The following KLHL42 variants were observed in gnomAD, a reference collection of about 807,000 sequenced individuals.
KLHL42 encodes the protein kelch-like protein 42.
KLHL42 carries 27 observed loss-of-function variants against 32.7 expected under a neutral mutation model. The observed-to-expected ratio is 0.83, with a 90% CI of 0.61 to 1.14. The LOEUF is 1.14. KLHL42 is among the 50% of genes most tolerant of loss of function. The pLI is 0.00. For missense variants in KLHL42, 491 were observed against 560.8 expected (o/e 0.88, Z 1.26); for synonymous variants, 267 against 248.2 (o/e 1.08, Z -0.71).
chr12:27,800,462 A>G lies in KLHL42; in HGVS notation c.*2296A>G, dbSNP rs2062241800. 3 of 718,482 alleles carry G rather than the reference A, an allele frequency of 4.2e-6. No individual in the cohort carries two copies. The highest frequency in any genetic ancestry group is 5.1e-6 in the Non-Finnish European group (3 of 586,652). 44.5% of individuals were successfully genotyped at this position (718,482 alleles called of 1,614,324 possible). A position where few individuals can be genotyped will look rare whatever the true frequency, so the allele number is the denominator to read the frequency against. ...GCCAGCAGTACGTGGGAAAGGTGGA[A>G]TGTGCAATAGGAACAGATCTGTGCA... On this transcript the variant is annotated 3_prime_UTR_variant, in exon 3 of 3. Transcript: ENST00000381271.
At position 27,791,766 on chromosome 12, in the gene KLHL42, G is replaced by A. The variant is rs568040949; in HGVS notation, c.931G>A (p.Val311Ile). ...ACTCTATGCCATCGGAGGGCAGGCC[G>A]TTTCTAACGTTGAGTGTTACAACCC... ...SKLYAIGGQA[V>I]SNVECYNPEQ... is the part of the protein sequence containing the mutation. The change falls in exon 2 of 3, where the codon GTT becomes ATT. Residue 311 changes from valine (V) to isoleucine (I), a missense_variant. Val to Ile is a conservative substitution (Grantham distance 29). Around this residue, in one of 4 missense-constraint regions of KLHL42, gnomAD observed 248 missense variants for 329.2 expected, o/e 0.75. Transcript: ENST00000381271. The A allele has an allele frequency of 3.0e-5, 48 of 1,614,052 alleles. No homozygotes were observed. Among genetic ancestry groups the A allele is most frequent in the Middle Eastern group, 1.6e-4 (1 of 6,084 alleles).
chr12:27,790,216 A>G (rs1455216621), intron 1 of KLHL42, among the ~76,000 whole-genome samples: 2 of 152,220 alleles, frequency 1.3e-5, no homozygotes, highest in African/African-American at 4.8e-5. Flanking sequence ...AACACTAGAA[A>G]ACAGAAATTT....
intron 1 of KLHL42, among the ~76,000 whole-genome samples, chr12:27,790,057 T>G (rs899851600): frequency 2.6e-5 from 4 of 152,210 alleles, no homozygotes; most frequent in South Asian, 2.1e-4. Flanking sequence ...GTTTACTGCT[T>G]CTTCTTAATC....
At chr12:27,792,850 T>C (rs1040099695) in intron 2 of KLHL42, among the ~76,000 whole-genome samples, 3 of 152,162 alleles carry the variant, frequency 2.0e-5, no homozygotes, top group Admixed American at 1.3e-4. Flanking sequence ...AAAATGTATA[T>C]ATGTGTTTTT....
intron 1 of KLHL42, among the ~76,000 whole-genome samples, chr12:27,784,622 C>T (rs1565481975): frequency 6.6e-6 from 1 of 152,090 alleles, no homozygotes; most frequent in South Asian, 2.1e-4. Context: ...GAGACCTCAT[C>T]TCTATAAACA....
chr12:27,794,070 T>C (rs539470978), intron 2 of KLHL42, among the ~76,000 whole-genome samples: 1 of 152,382 alleles, frequency 6.6e-6, no homozygotes, highest in African/African-American at 2.4e-5. Context: ...TTTATTTCTT[T>C]TTAGAATAAG....
intron 2 of KLHL42, among the ~76,000 whole-genome samples, chr12:27,792,520 TTTA>T (rs1205953410): frequency 2.0e-5 from 3 of 152,064 alleles, no homozygotes; most frequent in Admixed American, 2.0e-4. Flanking sequence ...TATTTATTTG[TTTA>T]TTTATTTATT....
At chr12:27,790,453 A>G (rs1394342938) in intron 1 of KLHL42, among the ~76,000 whole-genome samples, 1 of 152,118 alleles carries the variant, frequency 6.6e-6, no homozygotes, top group African/African-American at 2.4e-5. Context: ...TCCTCTTGTA[A>G]ACTTGTGACT....
rs543893205 is a variant in KLHL42 at position 27,791,050 on chromosome 12, G to T, written c.873-658G>T. Among the ~76,000 whole-genome samples, 5 of 152,314 alleles carry T rather than the reference G, an allele frequency of 3.3e-5. No homozygotes were observed. The East Asian group carries it at 9.6e-4, about 29-fold the overall frequency. On this transcript the variant is annotated intron_variant, in intron 1 of 2. Transcript: ENST00000381271. ...CAGTCTAGCCTGGGTGACAGAGCAA[G>T]ACCCTGTTTCATAAATAAATTAGTA...
rs1167253100 is a variant in KLHL42 at position 27,802,519 on chromosome 12, G to A, written c.*4353G>A. On this transcript the variant is annotated 3_prime_UTR_variant, in exon 3 of 3. Coordinates refer to ENST00000381271, the MANE Select transcript of KLHL42 (RefSeq NM_020782.2). ...TTTTTTTATTTTCTCTGTTGACTTA[G>A]GAACACATCATAAATTCACACCAAC... The A allele has an allele frequency of 2.0e-5, 3 of 152,428 alleles. No homozygotes were observed. In the East Asian group the frequency reaches 5.8e-4, roughly 29 times the overall value. 9.4% of individuals were successfully genotyped at this position (152,428 alleles called of 1,614,324 possible). A position where few individuals can be genotyped will look rare whatever the true frequency, so the allele number is the denominator to read the frequency against.
intron 2 of KLHL42, chr12:27,797,139 A>C (rs2062222511): frequency 4.8e-6 from 2 of 414,770 alleles, no homozygotes; most frequent in African/African-American, 2.1e-5. Context: ...AAAAACAAAA[A>C]AAAAACTGGA....
In KLHL42 at chr12:27,780,483, G is replaced by T. The variant is rs769569067; in HGVS notation, c.153G>T (p.Val51=). Residue 51 remains valine, a synonymous_variant, in exon 1 of 3, where the codon GTG becomes GTT. Transcript: ENST00000381271. The surrounding 1 kb of genome is among the most constrained non-coding windows in gnomAD (Gnocchi z 8.8). ...ALSQEAGGPE[V]QQLRGLSAPG... is the part of the protein sequence containing the mutation. ...GCCAGGAGGCCGGCGGCCCGGAGGT[G>T]CAGCAGCTGCGCGGCCTCAGCGCGC... is the stretch of plus-strand genomic sequence containing the variant. 5 of 1,544,740 alleles carry T rather than the reference G, an allele frequency of 3.2e-6. No individual in the cohort carries two copies. In the African/African-American group the frequency reaches 7.0e-5, roughly 22 times the overall value.
intron 1 of KLHL42, among the ~76,000 whole-genome samples, chr12:27,784,698 C>T (rs952918144): frequency 4.6e-5 from 7 of 152,200 alleles, no homozygotes; most frequent in Non-Finnish European, 7.3e-5. Context: ...AAAAATTGTT[C>T]TGATTTCCTC....
Position 27,780,720 on chromosome 12 carries a change from C to T in KLHL42, c.390C>T (p.Cys130=). 1 of 1,612,994 alleles carries T rather than the reference C, an allele frequency of 6.2e-7. No individual in the cohort carries two copies. Among genetic ancestry groups the T allele is most frequent in the Non-Finnish European group, 8.5e-7 (1 of 1,179,762 alleles). The change falls in exon 1 of 3, where the codon TGC becomes TGT. Residue 130 remains cysteine, a synonymous_variant. Coordinates refer to ENST00000381271, the MANE Select transcript of KLHL42 (RefSeq NM_020782.2). This position sits in a 1 kb window ranked among gnomAD's most constrained non-coding sequence, Gnocchi z 8.8. ...LLLSQVRLNN[C]LEMYRLAQVY... ...TGTCCCAGGTGCGGCTCAATAACTG[C>T]CTGGAGATGTACCGCCTGGCGCAGG...
chr12:27,791,871 A>T lies in KLHL42; in HGVS notation c.1036A>T (p.Ile346Phe). ...EFSACECKGK[I>F]YVIGGYTTRD... ...CTCTGCCTGTGAGTGTAAGGGAAAA[A>T]TTTATGTCATTGGAGGATACACTAC... is the stretch of plus-strand genomic sequence containing the variant. The change falls in exon 2 of 3, where the codon ATT (isoleucine) becomes TTT (phenylalanine). Residue 346 changes from isoleucine (I) to phenylalanine (F), a missense_variant. Coordinates refer to ENST00000381271, the MANE Select transcript of KLHL42 (RefSeq NM_020782.2). The T allele has an allele frequency of 1.2e-6, 2 of 1,614,068 alleles. No homozygotes were observed. Among genetic ancestry groups the T allele is most frequent in the African/African-American group, 1.3e-5 (1 of 75,026 alleles).
intron 2 of KLHL42, among the ~76,000 whole-genome samples, chr12:27,792,650 A>G (rs952218529): frequency 1.3e-5 from 2 of 151,984 alleles, no homozygotes; most frequent in African/African-American, 4.8e-5. Context: ...CAGCCCCCCA[A>G]GTAGCTGGGA....
chr12:27,782,796 G>A (rs934792123), intron 1 of KLHL42, among the ~76,000 whole-genome samples: 3 of 150,904 alleles, frequency 2.0e-5, no homozygotes, highest in Non-Finnish European at 2.9e-5. Flanking sequence ...AGTAATGCAT[G>A]AATGCATGAT....
rs1591818145 is a variant in KLHL42, at chr12:27,800,612, A to G, written c.*2446A>G. On this transcript the variant is annotated 3_prime_UTR_variant, in exon 3 of 3. Transcript: ENST00000381271. ...TTGAAGACTACCTATGATAGAGGCA[A>G]TGTTGCTTTGAAAATCTCCCTTCAG... is the stretch of plus-strand genomic sequence containing the variant. 1 of 155,594 alleles carries G rather than the reference A, an allele frequency of 6.4e-6. No homozygotes were observed. Among genetic ancestry groups the G allele is most frequent in the African/African-American group, 2.4e-5 (1 of 41,248 alleles). The allele number at this position is 155,594 out of a possible 1,614,324, so 9.6% of individuals were successfully genotyped here. A position where few individuals can be genotyped will look rare whatever the true frequency, so the allele number is the denominator to read the frequency against.
Position 27,801,514 on chromosome 12 carries a change from A to G in KLHL42, c.*3348A>G, listed in dbSNP as rs896657931. ...AGATCACTCAAGAGGCAGCATAGCA[A>G]TGTAAAAGGAATATAAGTAGGTGTT... On this transcript the variant is annotated 3_prime_UTR_variant, in exon 3 of 3. Coordinates refer to ENST00000381271, the MANE Select transcript of KLHL42 (RefSeq NM_020782.2). 5.9e-5 allele frequency: 9 copies of G among 152,234 alleles called. No individual in the cohort carries two copies. Among genetic ancestry groups the G allele is most frequent in the African/African-American group, 2.2e-4 (9 of 41,470 alleles). The allele number at this position is 152,234 out of a possible 1,614,324, so 9.4% of individuals were successfully genotyped here.
Sources: allele counts gnomAD v4.1 joint callset (sites outside exome capture counted in the v4.1 genomes callset), GRCh38; gene constraint gnomAD v4.1.1; regional missense constraint gnomAD v4.1.1; non-coding constraint Gnocchi (gnomAD v3.1); transcripts MANE v1.5; gene names NCBI Gene and HGNC (gene_info 2026-07-23, HGNC 2026-07-21).